ZBTB20: variants seen among roughly 807,000 people sequenced by gnomAD.
ZBTB20 encodes zinc finger and BTB domain containing 20, also known as zinc finger and BTB domain-containing protein 20.
In ZBTB20, 9 loss-of-function variants were observed where a neutral mutation model predicts 56.9. The ratio of observed to expected loss-of-function variants is 0.16; its 90% CI spans 0.10 to 0.28. The LOEUF is 0.28. ZBTB20 is among the 10% of genes least tolerant of loss of function. The probability of loss-of-function intolerance (pLI) is 1.00; values close to 1 mark genes in which losing one functional copy is unlikely to be tolerated. For missense variants in ZBTB20, 655 were observed against 1,003.0 expected (o/e 0.65, Z 4.69); for synonymous variants, 417 against 420.7 (o/e 0.99, Z 0.11).
intron 5 of ZBTB20, among the ~76,000 whole-genome samples, chr3:114,777,552 C>G (rs2069697540): frequency 6.6e-6 from 1 of 152,130 alleles, no homozygotes; most frequent in Admixed American, 6.6e-5. Context: ...GAGATACCAT[C>G]TCACACCAGT....
chr3:114,345,598 AG>A (rs1198909340), intron 11 of ZBTB20, among the ~76,000 whole-genome samples: 2 of 152,206 alleles, frequency 1.3e-5, no homozygotes, highest in Non-Finnish European at 1.5e-5. Context: ...CTAATTACCC[AG>A]GCTCACCTCT....
chr3:114,353,495 A>G (rs1301935401), intron 10 of ZBTB20, among the ~76,000 whole-genome samples: 1 of 152,248 alleles, frequency 6.6e-6, no homozygotes, highest in Admixed American at 6.5e-5. Flanking sequence ...CAGGTCTGTT[A>G]TGTGCCTAAA....
chr3:114,557,349 A>G (rs1034229195), intron 6 of ZBTB20, among the ~76,000 whole-genome samples: 1 of 151,986 alleles, frequency 6.6e-6, no homozygotes, highest in East Asian at 1.9e-4. Context: ...CAGAAATTCT[A>G]TTATAGAATT....
intron 6 of ZBTB20, among the ~76,000 whole-genome samples, chr3:114,606,400 A>G (rs2057156609): frequency 6.6e-6 from 1 of 152,036 alleles, no homozygotes; most frequent in Non-Finnish European, 1.5e-5. Flanking sequence ...AGCAGTTGGG[A>G]TTCACTTTTC....
chr3:115,043,819 C>T (rs962249012), intron 2 of ZBTB20, among the ~76,000 whole-genome samples: 2 of 152,060 alleles, frequency 1.3e-5, no homozygotes, highest in African/African-American at 4.8e-5. Flanking sequence ...TGTGTCCCCT[C>T]CAAATCTCAT....
intron 5 of ZBTB20, among the ~76,000 whole-genome samples, chr3:114,706,919 GA>G (rs1323978002): frequency 6.6e-6 from 1 of 151,802 alleles, no homozygotes; most frequent in East Asian, 1.9e-4. Flanking sequence ...AGTAAGAGGG[GA>G]AAAAAAGGGG....
At chr3:114,711,865 T>A (rs1201543865) in intron 5 of ZBTB20, among the ~76,000 whole-genome samples, 1 of 152,226 alleles carries the variant, frequency 6.6e-6, no homozygotes, top group Non-Finnish European at 1.5e-5. Flanking sequence ...ACATTCTAAG[T>A]GCTATTCTTC....
At chr3:115,122,023 A>C (rs1413332716) in intron 1 of ZBTB20, among the ~76,000 whole-genome samples, 8 of 152,052 alleles carry the variant, frequency 5.3e-5, no homozygotes, top group Non-Finnish European at 1.2e-4. Context: ...TGGACCTCGA[A>C]GGATTCTTCT....
chr3:114,450,273 A>G (rs2091524018), intron 7 of ZBTB20, among the ~76,000 whole-genome samples: 1 of 152,220 alleles, frequency 6.6e-6, no homozygotes, highest in South Asian at 2.1e-4. Flanking sequence ...CAGGCAATTT[A>G]AAAATATTTA....
At position 115,126,842 on chromosome 3, in the gene ZBTB20, A is replaced by C. The variant is rs139726424; in HGVS notation, c.-703+20377T>G. On this transcript the variant is annotated intron_variant, in intron 1 of 11. Transcript: ENST00000675478. Reference sequence around the variant, plus strand: ...TTCTAATACTTTGGTTAGGTCTTGGACTCACAGGTTATTTCTTTTGATTTA... The same window carrying C: ...TTCTAATACTTTGGTTAGGTCTTGGCCTCACAGGTTATTTCTTTTGATTTA... 3.9e-4 allele frequency among the ~76,000 whole-genome samples: 59 copies of C among 152,302 alleles called. 1 individual carries two copies. The East Asian group carries it at 0.011, about 29-fold the overall frequency.
At chr3:115,060,405 T>C (rs999737818) in intron 2 of ZBTB20, among the ~76,000 whole-genome samples, 7 of 152,204 alleles carry the variant, frequency 4.6e-5, no homozygotes, top group Non-Finnish European at 7.4e-5. Context: ...ACCCTATCCG[T>C]AATTCCATTT....
intron 6 of ZBTB20, among the ~76,000 whole-genome samples, chr3:114,654,141 C>A (rs893932480): frequency 2.0e-5 from 3 of 151,376 alleles, no homozygotes; most frequent in South Asian, 2.1e-4. Context: ...TTTTTTACTG[C>A]TTTTGGGTTT....
chr3:114,938,603 A>G (rs181770759), intron 3 of ZBTB20, among the ~76,000 whole-genome samples: 1 of 146,014 alleles, frequency 6.8e-6, no homozygotes. Context: ...GTTCGCACTC[A>G]TAAGTGGGAG....
chr3:114,342,192 T>A (rs2079831225), intron 11 of ZBTB20, among the ~76,000 whole-genome samples: 1 of 152,230 alleles, frequency 6.6e-6, no homozygotes, highest in Non-Finnish European at 1.5e-5. Flanking sequence ...CAGGAATGAA[T>A]GATTGTGTTT....
At chr3:114,366,107 T>A (rs2082370519) in intron 10 of ZBTB20, among the ~76,000 whole-genome samples, 1 of 152,204 alleles carries the variant, frequency 6.6e-6, no homozygotes, top group Admixed American at 6.5e-5. Flanking sequence ...GTGCTAGGGA[T>A]TCAGCAGTGG....
chr3:115,049,085 C>T (rs1223401968), intron 2 of ZBTB20, among the ~76,000 whole-genome samples: 2 of 152,198 alleles, frequency 1.3e-5, no homozygotes, highest in Non-Finnish European at 2.9e-5. Flanking sequence ...ATACTTGTAA[C>T]TGGCTAATTC....
chr3:114,930,757 G>A, intron 3 of ZBTB20: 1 of 269,672 alleles, frequency 3.7e-6, no homozygotes, highest in Admixed American at 3.7e-5. Context: ...AGATGCAGTT[G>A]TACAGCAGAA....
rs542352302 is a variant in ZBTB20, at chr3:114,428,005, A to G, written c.-254-38900T>C. On this transcript the variant is annotated intron_variant, in intron 7 of 11. Coordinates refer to ENST00000675478, the MANE Select transcript of ZBTB20 (RefSeq NM_001348800.3). ...GTCACGGGGACTGGGGGGCATGCCC[A>G]AAGGCATCTGTCGTAATAGAAACCT... Among the ~76,000 whole-genome samples the G allele has an allele frequency of 2.5e-3, 387 of 152,316 alleles. 1 individual carries two copies. Among genetic ancestry groups the G allele is most frequent in the African/African-American group, 8.2e-3 (340 of 41,590 alleles).
At chr3:114,526,756 G>A (rs923798597) in intron 6 of ZBTB20, among the ~76,000 whole-genome samples, 2 of 152,106 alleles carry the variant, frequency 1.3e-5, no homozygotes, top group African/African-American at 2.4e-5. Flanking sequence ...AAATGTCTAC[G>A]TGGTTTATAG....
Sources: gnomAD v4.1 joint callset for allele counts (sites outside exome capture counted in the v4.1 genomes callset) on GRCh38, gnomAD v4.1.1 for gene constraint, MANE v1.5 for transcripts, NCBI Gene and HGNC (gene_info 2026-07-23, HGNC 2026-07-21) for gene names.